SCP2: variants seen among roughly 807,000 people sequenced by gnomAD.
SCP2 encodes the protein SCP-2/3-oxoacyl-CoA thiolase.
Under a neutral mutation model 71.4 loss-of-function variants are expected in SCP2, and 48 were observed. That is an observed-to-expected ratio of 0.67 (90% CI 0.53 to 0.86). The LOEUF (loss-of-function observed/expected upper bound fraction) is 0.86. Among genes scored for constraint, SCP2 ranks in the 40% least tolerant of loss-of-function variants. SCP2 has a pLI of 0.00. For synonymous variants in SCP2, 220 were observed against 218.1 expected, an observed-to-expected ratio of 1.01 and a Z score of -0.08; for missense variants, 560 against 655.6, an observed-to-expected ratio of 0.85 and a Z score of 1.59.
chr1:52,995,227 C>G, intron 11 of SCP2: 1 of 501,306 alleles, frequency 2.0e-6, no homozygotes, highest in Non-Finnish European at 4.0e-6. Flanking sequence ...TGTGGTGCCT[C>G]CACCCAAAGT....
In SCP2 at chr1:52,950,898, T is replaced by C; in HGVS notation, c.331+12T>C. 1 of 1,613,060 alleles carries C rather than the reference T, an allele frequency of 6.2e-7. No homozygotes were observed. Among genetic ancestry groups the C allele is most frequent in the East Asian group, 2.2e-5 (1 of 44,866 alleles). The stretch of plus-strand genomic sequence containing the variant: ...GCTGATTCAGGGTGGTAAGGAGTGC[T>C]TGTCTAGTGTACTTAAATATTGCCC... On this transcript the variant is annotated intron_variant, in intron 4 of 15. Coordinates refer to ENST00000371514, the MANE Select transcript of SCP2 (RefSeq NM_002979.5).
intron 7 of SCP2, among the ~76,000 whole-genome samples, chr1:52,975,293 GCCTCA>G (rs1657862437): frequency 1.3e-5 from 2 of 152,206 alleles, no homozygotes; most frequent in East Asian, 1.9e-4. Flanking sequence ...CGATTCTCCT[GCCTCA>G]GCCTCCCGAG....
At chr1:52,958,437 A>T (rs961847130) in intron 5 of SCP2, among the ~76,000 whole-genome samples, 9 of 151,792 alleles carry the variant, frequency 5.9e-5, no homozygotes, top group Admixed American at 3.3e-4. Context: ...TACCATGTTG[A>T]CCAGGCTGGT....
intron 1 of SCP2, among the ~76,000 whole-genome samples, chr1:52,939,609 A>G (rs543264076): frequency 2.7e-4 from 41 of 152,276 alleles, no homozygotes; most frequent in Non-Finnish European, 4.3e-4. Context: ...TAAGTTTTCA[A>G]CTCCTTTGGG....
chr1:53,039,887 A>G (rs887302011), intron 14 of SCP2, among the ~76,000 whole-genome samples: 4 of 152,212 alleles, frequency 2.6e-5, no homozygotes, highest in Non-Finnish European at 5.9e-5. Context: ...TGGACACCTA[A>G]TAGGTATCGC....
intron 14 of SCP2, among the ~76,000 whole-genome samples, chr1:53,043,839 A>G (rs1490638707): frequency 6.6e-6 from 1 of 152,096 alleles, no homozygotes; most frequent in African/African-American, 2.4e-5. Flanking sequence ...CTGCAATAGA[A>G]CTGGATTTTC....
intron 4 of SCP2, among the ~76,000 whole-genome samples, chr1:52,953,443 G>A (rs964820508): frequency 3.3e-5 from 5 of 151,970 alleles, no homozygotes; most frequent in Non-Finnish European, 5.9e-5. Context: ...GGCCTCAGGT[G>A]ATCCTCCCAC....
At chr1:53,010,211 A>T (rs552650866) in intron 11 of SCP2, among the ~76,000 whole-genome samples, 68 of 152,338 alleles carry the variant, frequency 4.5e-4, no homozygotes, top group South Asian at 6.2e-4. Flanking sequence ...ATTGTGGAAG[A>T]CAGTGTGGCA....
At chr1:52,996,284 A>G (rs1038191419) in intron 11 of SCP2, among the ~76,000 whole-genome samples, 13 of 152,062 alleles carry the variant, frequency 8.5e-5, no homozygotes, top group Admixed American at 7.9e-4. Flanking sequence ...CCATCTGTCC[A>G]GTTAATATTT....
In SCP2 at chr1:53,009,454, G is replaced by A. The variant is rs564947136; in HGVS notation, c.1082-5436G>A. On this transcript the variant is annotated intron_variant, in intron 11 of 15. Coordinates refer to ENST00000371514, the MANE Select transcript of SCP2 (RefSeq NM_002979.5). ...ATATAGACCAATGGAACAGAACAGA[G>A]CCCTGAGAAATAATACCACACATCT... Among the ~76,000 whole-genome samples the A allele has an allele frequency of 4.9e-4, 75 of 152,226 alleles. 1 individual carries two copies. In the East Asian group the frequency reaches 6.0e-3, roughly 12 times the overall value.
At chr1:52,953,060 C>CTTTTTTTTTT (rs570429324) in intron 4 of SCP2, among the ~76,000 whole-genome samples, 1 of 103,676 alleles carries the variant, frequency 9.6e-6, no homozygotes, top group African/African-American at 3.5e-5. Context: ...GCAATTCTGT[C>CTTTTTTTTTT]TTTTTTTTTT....
chr1:52,986,324 T>A (rs965444528), intron 10 of SCP2, among the ~76,000 whole-genome samples: 4 of 152,232 alleles, frequency 2.6e-5, no homozygotes, highest in African/African-American at 7.2e-5. Context: ...TTTAGTTTGC[T>A]ATTACTTGCT....
chr1:52,988,050 A>G lies in SCP2; in HGVS notation c.995A>G (p.Asp332Gly), dbSNP rs1303139716. Residue 332 changes from aspartate to glycine, a missense_variant, in exon 11 of 16, where the codon GAT becomes GGT. Asp to Gly is a moderately conservative substitution (Grantham distance 94, BLOSUM62 -1). Transcript: ENST00000371514. ...CPEGQGATLVDRGDNTYGGKW... is the reference protein window; with the variant it reads ...CPEGQGATLVGRGDNTYGGKW... ...ATAGGACAAGGTGCAACGCTGGTTG[A>G]TAGAGGAGATAATACATATGGAGGA... 1 of 1,594,596 alleles carries G rather than the reference A, an allele frequency of 6.3e-7. No individual in the cohort carries two copies. Among genetic ancestry groups the G allele is most frequent in the South Asian group, 1.1e-5 (1 of 90,596 alleles).
chr1:53,048,636 T>G (rs1187215116), intron 15 of SCP2: 1 of 155,374 alleles, frequency 6.4e-6, no homozygotes, highest in Non-Finnish European at 1.4e-5. Flanking sequence ...TTTGTCTTTA[T>G]GTTTCCAGAA....
chr1:52,983,138 T>C (rs1025536721), intron 10 of SCP2, among the ~76,000 whole-genome samples: 1 of 152,230 alleles, frequency 6.6e-6, no homozygotes, highest in African/African-American at 2.4e-5. Context: ...ACAGGTCTTT[T>C]AGCACTTAAA....
chr1:52,980,181 C>T (rs1658358447), intron 9 of SCP2, among the ~76,000 whole-genome samples: 1 of 152,050 alleles, frequency 6.6e-6, no homozygotes, highest in Non-Finnish European at 1.5e-5. Flanking sequence ...CCATTGTTGC[C>T]CAGGCTGGTC....
chr1:53,047,988 T>A, intron 15 of SCP2, 51 bp downstream of exon 15: 2 of 1,213,300 alleles, frequency 1.6e-6, no homozygotes, highest in Non-Finnish European at 2.5e-6. Flanking sequence ...TTTCAGCCCT[T>A]TCTACTCCAT....
intron 11 of SCP2, among the ~76,000 whole-genome samples, chr1:52,992,057 T>A (rs1313313638): frequency 6.6e-6 from 1 of 152,226 alleles, no homozygotes; most frequent in Non-Finnish European, 1.5e-5. Context: ...ATACTGAAAG[T>A]GATTTCAGAG....
intron 11 of SCP2, among the ~76,000 whole-genome samples, chr1:53,002,008 C>A (rs1293420050): frequency 6.6e-6 from 1 of 151,964 alleles, no homozygotes; most frequent in Non-Finnish European, 1.5e-5. Flanking sequence ...CATGGTGAAA[C>A]CCCGTCTCTA....
Sources: allele counts gnomAD v4.1 joint callset (sites outside exome capture counted in the v4.1 genomes callset), GRCh38; gene constraint gnomAD v4.1.1; transcripts MANE v1.5; gene names NCBI Gene and HGNC (gene_info 2026-07-23, HGNC 2026-07-21).